Variants in ZNF536 observed in about 807,000 individuals in gnomAD.
The protein encoded by ZNF536 is zinc finger protein 536.
In ZNF536, 13 loss-of-function variants were observed where a neutral mutation model predicts 84.5. The ratio of observed to expected loss-of-function variants is 0.15; its 90% CI spans 0.10 to 0.24. The LOEUF is 0.24. Ranked by LOEUF, ZNF536 falls within the 10% of genes least tolerant of loss-of-function variation. The probability of loss-of-function intolerance (pLI) is 1.00; values close to 1 mark genes in which losing one functional copy is unlikely to be tolerated. For missense variants in ZNF536, 1,536 were observed against 1,747.5 expected (o/e 0.88, Z 2.16); for synonymous variants, 811 against 742.5 (o/e 1.09, Z -1.50).
chr19:30,548,639 C>T lies in ZNF536; in HGVS notation c.3020C>T (p.Ala1007Val), dbSNP rs777410013. The change falls in exon 4 of 5, where the codon GCT becomes GTT. Residue 1007 changes from alanine (A) to valine (V), a missense_variant. Around this residue, in one of 8 missense-constraint regions of ZNF536, gnomAD observed 624 missense variants for 603.1 expected, o/e 1.03. Coordinates refer to ENST00000355537, the MANE Select transcript of ZNF536 (RefSeq NM_014717.3). ...GCATGGCACGGCTGCTTGTTTTGTG[C>T]TTTCACAACGTCCTCCATGGAGCTC... Reference protein sequence around the residue: ...SIAWHGCLFCAFTTSSMELMA... With the variant: ...SIAWHGCLFCVFTTSSMELMA... 6 of 1,614,144 alleles carry T rather than the reference C, an allele frequency of 3.7e-6. No homozygotes were observed. The East Asian group carries it at 1.3e-4, about 36-fold the overall frequency.
chr19:30,617,496 G>A (rs1432456100), intron 1 of ZNF536, among the ~76,000 whole-genome samples: 1 of 151,226 alleles, frequency 6.6e-6, no homozygotes, highest in Non-Finnish European at 1.5e-5. Flanking sequence ...GACGACAGGC[G>A]CCTGCCACCA....
At chr19:30,375,868 CGCGTGTGTGT>C (rs1180035937) in intron 1 of ZNF536, among the ~76,000 whole-genome samples, 2 of 150,426 alleles carry the variant, frequency 1.3e-5, no homozygotes, top group African/African-American at 2.4e-5. Flanking sequence ...TGTGTGTAGG[CGCGTGTGTGT>C]GCGTGTGTGT....
At chr19:30,509,894 C>A (rs780385923) in intron 2 of ZNF536, among the ~76,000 whole-genome samples, 1 of 152,230 alleles carries the variant, frequency 6.6e-6, no homozygotes, top group Non-Finnish European at 1.5e-5. Context: ...CGTTTTATAG[C>A]TGGTGAAATT....
chr19:30,313,069 A>G (rs2046559816), intron 2 of ZNF536, among the ~76,000 whole-genome samples: 1 of 152,236 alleles, frequency 6.6e-6, no homozygotes, highest in Non-Finnish European at 1.5e-5. Flanking sequence ...CATGCCAGGC[A>G]TCATCCCTGG....
intron 2 of ZNF536, among the ~76,000 whole-genome samples, chr19:30,291,663 GT>G (rs1459662551): frequency 3.3e-5 from 5 of 152,186 alleles, no homozygotes; most frequent in African/African-American, 1.2e-4. Context: ...CTGCCATACT[GT>G]TTTCCATAGT....
chr19:30,506,272 A>T (rs1378946876), intron 2 of ZNF536, among the ~76,000 whole-genome samples: 1 of 152,110 alleles, frequency 6.6e-6, no homozygotes. Context: ...TGGGTGGTTG[A>T]TGACTTTTCT....
At chr19:30,467,280 C>T (rs1222825872) in intron 2 of ZNF536, among the ~76,000 whole-genome samples, 2 of 152,212 alleles carry the variant, frequency 1.3e-5, no homozygotes, top group African/African-American at 2.4e-5. Flanking sequence ...CCATTTCTCT[C>T]GCCCCCCAGC....
chr19:30,355,104 G>A (rs533740841), intron 3 of ZNF536, among the ~76,000 whole-genome samples: 6 of 152,302 alleles, frequency 3.9e-5, no homozygotes, highest in Admixed American at 3.3e-4. Context: ...GAAAGCAGGT[G>A]TATTTGGCTC....
chr19:30,564,842 G>C (rs2046293519), intron 1 of ZNF536, among the ~76,000 whole-genome samples: 1 of 152,214 alleles, frequency 6.6e-6, no homozygotes, highest in African/African-American at 2.4e-5. Context: ...GAAGTAATGT[G>C]AGTTATGACT....
chr19:30,405,571 C>G (rs182517870), intron 1 of ZNF536, among the ~76,000 whole-genome samples: 89 of 152,158 alleles, frequency 5.8e-4, no homozygotes, highest in African/African-American at 2.0e-3. Flanking sequence ...AAAGCTTCTC[C>G]ATGGGTACCA....
intron 1 of ZNF536, among the ~76,000 whole-genome samples, chr19:30,694,703 GA>G (rs768788519): frequency 1.8e-4 from 28 of 152,236 alleles, no homozygotes; most frequent in Non-Finnish European, 2.4e-4. Flanking sequence ...AGTGTTGGGG[GA>G]AAAAAATATG....
At chr19:30,464,818 GCTC>G (rs1443784720) in intron 2 of ZNF536, among the ~76,000 whole-genome samples, 7 of 151,968 alleles carry the variant, frequency 4.6e-5, no homozygotes, top group African/African-American at 7.3e-5. Flanking sequence ...TCAGGGTGGG[GCTC>G]CTCCTCCTGC....
rs373198343 is a variant in ZNF536 at position 30,549,174 on chromosome 19, C to T, written c.3555C>T (p.Thr1185=). 27 of 1,613,822 alleles carry T rather than the reference C, an allele frequency of 1.7e-5. No homozygotes were observed. Among genetic ancestry groups the T allele is most frequent in the East Asian group, 4.5e-5 (2 of 44,894 alleles). Residue 1185 remains threonine (T), a synonymous_variant, in exon 4 of 5, where the codon ACC becomes ACT. Coordinates refer to ENST00000355537, the MANE Select transcript of ZNF536 (RefSeq NM_014717.3). ...ACAACGATGAAGAGGATGTTGAAAC[C>T]GAACCGGAAATGATGACCAAGCCAC... The part of the protein sequence containing the change: ...GENNDEEDVE[T]EPEMMTKPLS...
intron 2 of ZNF536, among the ~76,000 whole-genome samples, chr19:30,297,834 C>G (rs974327523): frequency 6.6e-6 from 1 of 151,668 alleles, no homozygotes; most frequent in East Asian, 1.9e-4. Context: ...TGGATTTGCA[C>G]CGTGCCCTTT....
At chr19:30,291,387 G>A (rs1364515065) in intron 2 of ZNF536, among the ~76,000 whole-genome samples, 1 of 152,136 alleles carries the variant, frequency 6.6e-6, no homozygotes, top group Non-Finnish European at 1.5e-5. Context: ...ATTCTAACTG[G>A]TATGAGATGG....
chr19:30,641,829 C>T lies in ZNF536; in HGVS notation c.170-68928C>T, dbSNP rs568723543. Among the ~76,000 whole-genome samples the T allele has an allele frequency of 1.6e-4, 25 of 152,248 alleles. 1 individual carries two copies. In the East Asian group the frequency reaches 4.4e-3, roughly 27 times the overall value. ...CTCTTGGCCGGGATGTAATGCCTGT[C>T]CCAAGATGAGGAGACCTAGAGGATG... On this transcript the variant is annotated intron_variant, in intron 1 of 1. Coordinates refer to the ZNF536 transcript ENST00000592773.
intron 2 of ZNF536, among the ~76,000 whole-genome samples, chr19:30,325,403 A>G (rs1048903951): frequency 2.6e-5 from 4 of 152,194 alleles, no homozygotes; most frequent in African/African-American, 9.6e-5. Flanking sequence ...GCCATCATCA[A>G]GCTGCTCCCT....
At chr19:30,617,692 T>C (rs980945959) in intron 1 of ZNF536, among the ~76,000 whole-genome samples, 1 of 152,154 alleles carries the variant, frequency 6.6e-6, no homozygotes. Flanking sequence ...CCTCCTGTTA[T>C]ATCTTTAACC....
intron 2 of ZNF536, among the ~76,000 whole-genome samples, chr19:30,446,804 A>G (rs575360665): frequency 7.4e-6 from 1 of 134,896 alleles, no homozygotes; most frequent in East Asian, 2.0e-4. Context: ...AGTTTAAAAA[A>G]AAAACCAAAA....
Sources: gnomAD v4.1 joint callset for allele counts (sites outside exome capture counted in the v4.1 genomes callset) on GRCh38, gnomAD v4.1.1 for gene constraint, gnomAD v4.1.1 regional missense constraint, MANE v1.5 for transcripts, NCBI Gene and HGNC (gene_info 2026-07-23, HGNC 2026-07-21) for gene names.